Variants in THSD7B observed in about 807,000 individuals in gnomAD.
The protein encoded by THSD7B is thrombospondin type-1 domain-containing protein 7B.
A neutral mutation model predicts 213.6 loss-of-function variants in THSD7B; 138 were observed. That is an observed-to-expected ratio of 0.65 (90% CI 0.56 to 0.74). The LOEUF (loss-of-function observed/expected upper bound fraction) is 0.74. THSD7B is among the 30% of genes least tolerant of loss of function. The pLI, the probability that THSD7B is intolerant of heterozygous loss-of-function variation, is 0.00. For missense variants in THSD7B, 1,931 were observed against 1,991.5 expected, an observed-to-expected ratio of 0.97 and a Z score of 0.58; for synonymous variants, 742 against 687.0, an observed-to-expected ratio of 1.08 and a Z score of -1.25.
intron 7 of THSD7B, among the ~76,000 whole-genome samples, chr2:137,210,771 C>G (rs970093676): frequency 1.3e-5 from 2 of 149,850 alleles, no homozygotes; most frequent in African/African-American, 4.9e-5. Context: ...TTTATGTTCA[C>G]TTTTGTATTA....
At chr2:136,966,561 AACATTTTGAGCAGTC>A (rs1685318589) in intron 2 of THSD7B, among the ~76,000 whole-genome samples, 1 of 152,172 alleles carries the variant, frequency 6.6e-6, no homozygotes, top group African/African-American at 2.4e-5. Flanking sequence ...ATTTGAAAAA[AACATTTTGAGCAGTC>A]ACATTTTAGA....
intron 12 of THSD7B, among the ~76,000 whole-genome samples, chr2:137,334,151 CATTT>C (rs1684580972): frequency 6.7e-6 from 1 of 148,398 alleles, no homozygotes. Context: ...CCAAATCATT[CATTT>C]CTTTCTTTCT....
At chr2:136,873,902 G>T (rs1683484653) in intron 1 of THSD7B, among the ~76,000 whole-genome samples, 1 of 152,168 alleles carries the variant, frequency 6.6e-6, no homozygotes, top group Non-Finnish European at 1.5e-5. Flanking sequence ...AAACAGAATG[G>T]GTTGTGGCGT....
intron 3 of THSD7B, among the ~76,000 whole-genome samples, chr2:137,067,810 C>T (rs975023426): frequency 5.3e-5 from 8 of 152,012 alleles, no homozygotes; most frequent in Admixed American, 3.9e-4. Context: ...CTCTTGGTGT[C>T]TTTCAAAATG....
rs138582920 is a variant in THSD7B, at chr2:137,060,990, C to G, written c.950+3760C>G. 9.7e-3 allele frequency among the ~76,000 whole-genome samples: 1,477 copies of G among 151,762 alleles called. 12 individuals carry two copies. Among genetic ancestry groups the G allele is most frequent in the Non-Finnish European group, 0.014 (961 of 67,726 alleles). On this transcript the variant is annotated intron_variant, in intron 3 of 27. Coordinates refer to ENST00000409968, the MANE Select transcript of THSD7B (RefSeq NM_001316349.2). Reference sequence around the variant, plus strand: ...CATCCTATTCTGGTACATAGGATATCTCTCCATTTATTTAATTCTTGTTTA... The same window carrying G: ...CATCCTATTCTGGTACATAGGATATGTCTCCATTTATTTAATTCTTGTTTA...
intron 11 of THSD7B, among the ~76,000 whole-genome samples, 168 bp downstream of exon 11, chr2:137,272,830 G>A (rs568021913): frequency 5.9e-4 from 89 of 152,084 alleles, no homozygotes; most frequent in Non-Finnish European, 6.9e-4. Context: ...ACATATTTGG[G>A]AGGAGTAGAG....
chr2:136,961,284 G>C (rs1264773082), intron 2 of THSD7B, among the ~76,000 whole-genome samples: 1 of 143,546 alleles, frequency 7.0e-6, no homozygotes, highest in Non-Finnish European at 1.5e-5. Flanking sequence ...GCAGTGGCGT[G>C]ATCTCGGCTC....
intron 6 of THSD7B, among the ~76,000 whole-genome samples, chr2:137,161,666 T>C (rs1680021918): frequency 1.3e-5 from 2 of 152,176 alleles, no homozygotes; most frequent in African/African-American, 4.8e-5. Flanking sequence ...CAAAGAAGCC[T>C]GGAGAGGGCC....
intron 10 of THSD7B, among the ~76,000 whole-genome samples, chr2:137,250,008 G>A (rs1211530531): frequency 1.3e-5 from 2 of 152,158 alleles, no homozygotes; most frequent in African/African-American, 4.8e-5. Flanking sequence ...AAGGGAAGTT[G>A]CCATATGGCC....
intron 1 of THSD7B, among the ~76,000 whole-genome samples, chr2:136,875,687 C>T (rs1412713380): frequency 1.3e-5 from 2 of 152,126 alleles, no homozygotes; most frequent in African/African-American, 4.8e-5. Flanking sequence ...CTGTTGGGTC[C>T]TGGCTTGGGT....
chr2:137,238,544 T>TTC (rs1305192307), intron 9 of THSD7B, among the ~76,000 whole-genome samples: 1 of 108,224 alleles, frequency 9.2e-6, no homozygotes, highest in East Asian at 2.7e-4. Context: ...CTTTTTTTTT[T>TTC]TTTTTTTTTT....
At chr2:137,356,947 TAC>T (rs369031158) in intron 12 of THSD7B, among the ~76,000 whole-genome samples, 27,702 of 113,366 alleles carry the variant, frequency 0.24, 2,665 homozygotes, top group South Asian at 0.3. Context: ...CACACACACA[TAC>T]ACACACACAC....
chr2:137,595,266 A>G (rs935191743), intron 17 of THSD7B, among the ~76,000 whole-genome samples: 4 of 152,020 alleles, frequency 2.6e-5, no homozygotes, highest in Admixed American at 6.6e-5. Flanking sequence ...TTACAAGAAG[A>G]TATGAAAATG....
intron 1 of THSD7B, among the ~76,000 whole-genome samples, chr2:136,768,653 C>A (rs1379717735): frequency 6.6e-6 from 1 of 152,190 alleles, no homozygotes; most frequent in African/African-American, 2.4e-5. Flanking sequence ...ATTAAGGCTT[C>A]AGAGATGCTC....
chr2:137,470,375 A>G (rs1401388404), intron 15 of THSD7B, among the ~76,000 whole-genome samples: 1 of 152,238 alleles, frequency 6.6e-6, no homozygotes, highest in Non-Finnish European at 1.5e-5. Context: ...GTTACAAATT[A>G]TTATAAAAGA....
At chr2:137,436,563 A>T (rs1247375244) in intron 14 of THSD7B, among the ~76,000 whole-genome samples, 1 of 152,166 alleles carries the variant, frequency 6.6e-6, no homozygotes, top group Non-Finnish European at 1.5e-5. Context: ...GCATCTATTT[A>T]GCATTTTACA....
intron 19 of THSD7B, among the ~76,000 whole-genome samples, chr2:137,619,180 A>G (rs1295593751): frequency 1.3e-5 from 2 of 152,234 alleles, no homozygotes; most frequent in East Asian, 3.8e-4. Flanking sequence ...AGAAGTAAAG[A>G]TACTATCACA....
At chr2:136,948,186 A>C (rs888841902) in intron 2 of THSD7B, among the ~76,000 whole-genome samples, 12 of 152,052 alleles carry the variant, frequency 7.9e-5, no homozygotes, top group Non-Finnish European at 1.8e-4. Flanking sequence ...GAAAACCATC[A>C]TTACTGCCTA....
intron 12 of THSD7B, among the ~76,000 whole-genome samples, chr2:137,377,466 G>C (rs1477970538): frequency 6.6e-6 from 1 of 151,858 alleles, no homozygotes; most frequent in African/African-American, 2.4e-5. Flanking sequence ...TTTTTTTTCT[G>C]ACTAGTAAAT....
Sources: gnomAD v4.1 joint callset for allele counts (sites outside exome capture counted in the v4.1 genomes callset) on GRCh38, gnomAD v4.1.1 for gene constraint, MANE v1.5 for transcripts, NCBI Gene and HGNC (gene_info 2026-07-23, HGNC 2026-07-21) for gene names.